Variants in ADK observed in about 807,000 individuals in gnomAD.
ADK encodes N6,N6-dimethyladenosine kinase.
Under a neutral mutation model 44.7 loss-of-function variants are expected in ADK, and 24 were observed. The observed-to-expected ratio is 0.54, with a 90% CI of 0.39 to 0.76. The LOEUF is 0.76. ADK is among the 30% of genes least tolerant of loss of function. The probability of loss-of-function intolerance (pLI) is 0.00; values close to 1 mark genes in which losing one functional copy is unlikely to be tolerated. For synonymous variants in ADK, 128 were observed against 142.6 expected (o/e 0.90, Z 0.73); for missense variants, 321 against 425.1 (o/e 0.76, Z 2.15).
chr10:74,346,614 G>A (rs143995786), intron 4 of ADK, among the ~76,000 whole-genome samples: 186 of 152,196 alleles, frequency 1.2e-3, no homozygotes, highest in Non-Finnish European at 1.9e-3. Flanking sequence ...AGTAAGGATC[G>A]AGTAGCTCTG....
intron 6 of ADK, among the ~76,000 whole-genome samples, chr10:74,406,546 A>C (rs1244676914): frequency 6.6e-6 from 1 of 150,644 alleles, no homozygotes; most frequent in African/African-American, 2.4e-5. Flanking sequence ...AAGAAGAAGA[A>C]GAAGAAGAAG....
chr10:74,361,144 T>C (rs1842323083), intron 4 of ADK, among the ~76,000 whole-genome samples: 1 of 152,194 alleles, frequency 6.6e-6, no homozygotes, highest in Non-Finnish European at 1.5e-5. Flanking sequence ...GACCTCATGA[T>C]CCACCCGCCT....
chr10:74,509,146 T>C (rs567668007), intron 6 of ADK, among the ~76,000 whole-genome samples: 1 of 152,090 alleles, frequency 6.6e-6, no homozygotes, highest in Non-Finnish European at 1.5e-5. Context: ...ACTGCTTTTT[T>C]AAAAATAATT....
chr10:74,257,931 G>A (rs1468949498), intron 3 of ADK, among the ~76,000 whole-genome samples: 1 of 152,166 alleles, frequency 6.6e-6, no homozygotes, highest in Non-Finnish European at 1.5e-5. Context: ...ACTCAGGGGA[G>A]TTAGCAATTT....
At chr10:74,160,213 A>G (rs11000901) in intron 1 of ADK, among the ~76,000 whole-genome samples, 17,604 of 152,196 alleles carry the variant, frequency 0.12, 1,066 homozygotes, top group Middle Eastern at 0.2. Context: ...ACACCTACTA[A>G]TGTGCCATGT....
intron 7 of ADK, among the ~76,000 whole-genome samples, chr10:74,554,613 ATTG>A (rs1402215406): frequency 2.0e-5 from 3 of 152,026 alleles, no homozygotes; most frequent in Non-Finnish European, 4.4e-5. Flanking sequence ...CTGCAATTCT[ATTG>A]TTGGTTTCTT....
chr10:74,406,827 C>T (rs12248996), intron 6 of ADK, among the ~76,000 whole-genome samples: 6,673 of 151,754 alleles, frequency 0.044, 516 homozygotes, highest in African/African-American at 0.15. Context: ...ACTACAGGCA[C>T]GCCTCACCAC....
chr10:74,595,393 G>GAAA (rs1564810265), intron 8 of ADK, among the ~76,000 whole-genome samples: 15 of 104,518 alleles, frequency 1.4e-4, no homozygotes, highest in African/African-American at 6.5e-4. Flanking sequence ...TTTTTTTTTT[G>GAAA]GGGAGGGGGT....
chr10:74,611,221 G>A (rs1047058518), intron 9 of ADK, among the ~76,000 whole-genome samples: 1 of 151,970 alleles, frequency 6.6e-6, no homozygotes, highest in East Asian at 1.9e-4. Context: ...GGTGGAGACT[G>A]GATTTTGCCA....
chr10:74,253,178 G>A (rs1460450812), intron 3 of ADK, among the ~76,000 whole-genome samples: 1 of 152,262 alleles, frequency 6.6e-6, no homozygotes, highest in East Asian at 1.9e-4. Context: ...TTATTGAACA[G>A]GCAGTGTTAC....
chr10:74,648,339 A>G lies in ADK; in HGVS notation c.878-21844A>G, dbSNP rs143294800. On this transcript the variant is annotated intron_variant, in intron 9 of 10. Transcript: ENST00000539909. The stretch of plus-strand genomic sequence containing the variant: ...TGTAAAGGTATCTATATAAGTAAAT[A>G]TAAAAACCAGTATTGCTGGTTTGTA... Among the ~76,000 whole-genome samples the G allele has an allele frequency of 1.0e-3, 155 of 152,354 alleles. 1 individual carries two copies. Among genetic ancestry groups the G allele is most frequent in the African/African-American group, 3.6e-3 (151 of 41,578 alleles).
At position 74,181,539 on chromosome 10, in the gene ADK, T is replaced by C. The variant is rs529983242; in HGVS notation, c.66-19225T>C. ...ATTTTAAATTGGCCCAATAGTTAAGTTGGCGCCTGAGTTAAGTTCAGGAGA... is the reference window on the plus strand; with the variant it reads ...ATTTTAAATTGGCCCAATAGTTAAGCTGGCGCCTGAGTTAAGTTCAGGAGA... On this transcript the variant is annotated intron_variant, in intron 1 of 10. Transcript: ENST00000539909. 2.0e-5 allele frequency among the ~76,000 whole-genome samples: 3 copies of C among 152,324 alleles called. No individual in the cohort carries two copies. The East Asian group carries it at 5.8e-4, about 29-fold the overall frequency.
chr10:74,476,171 A>C (rs1846829132), intron 6 of ADK, among the ~76,000 whole-genome samples: 1 of 152,142 alleles, frequency 6.6e-6, no homozygotes, highest in African/African-American at 2.4e-5. Flanking sequence ...TTACTTATTT[A>C]TGCAAACCTA....
At chr10:74,433,379 A>G (rs1235869919) in intron 6 of ADK, among the ~76,000 whole-genome samples, 1 of 152,210 alleles carries the variant, frequency 6.6e-6, no homozygotes, top group African/African-American at 2.4e-5. Context: ...CTAAACTGCT[A>G]AGAATGGACT....
intron 4 of ADK, among the ~76,000 whole-genome samples, chr10:74,356,906 G>A (rs1181810695): frequency 6.6e-6 from 1 of 151,986 alleles, no homozygotes; most frequent in African/African-American, 2.4e-5. Context: ...CCCTGGAGAC[G>A]TCCAAGGATA....
chr10:74,644,058 A>C (rs1449389932), intron 9 of ADK, among the ~76,000 whole-genome samples: 1 of 152,220 alleles, frequency 6.6e-6, no homozygotes, highest in African/African-American at 2.4e-5. Flanking sequence ...GCCTTCAAAC[A>C]GATTTTTTAA....
chr10:74,597,431 C>T (rs1046269029), intron 8 of ADK, among the ~76,000 whole-genome samples: 1 of 152,100 alleles, frequency 6.6e-6, no homozygotes, highest in African/African-American at 2.4e-5. Flanking sequence ...TGGTTTCAAC[C>T]GTTTTTTCTC....
chr10:74,578,785 A>G (rs770742117), intron 7 of ADK, among the ~76,000 whole-genome samples: 2 of 152,238 alleles, frequency 1.3e-5, no homozygotes, highest in African/African-American at 2.4e-5. Flanking sequence ...TGTAAAATAA[A>G]GGAGGATTCA....
At chr10:74,333,727 AAG>A (rs1841309193) in intron 4 of ADK, among the ~76,000 whole-genome samples, 1 of 152,170 alleles carries the variant, frequency 6.6e-6, no homozygotes, top group South Asian at 2.1e-4. Flanking sequence ...GTAAGAAAAA[AAG>A]ATTTCAAAAT....
Sources: allele counts gnomAD v4.1 joint callset (sites outside exome capture counted in the v4.1 genomes callset), GRCh38; gene constraint gnomAD v4.1.1; transcripts MANE v1.5; gene names NCBI Gene and HGNC (gene_info 2026-07-23, HGNC 2026-07-21).